The following BABAM2 variants were observed in gnomAD, a reference collection of about 807,000 sequenced individuals.
The protein encoded by BABAM2 is BRISC and BRCA1-A complex member 2.
In BABAM2, 31 loss-of-function variants were observed where a neutral mutation model predicts 54.7. The ratio of observed to expected loss-of-function variants is 0.57; its 90% CI spans 0.43 to 0.77. The LOEUF (loss-of-function observed/expected upper bound fraction) is 0.77, where lower values mean the gene tolerates loss of function less well. Ranked by LOEUF, BABAM2 falls within the 30% of genes least tolerant of loss-of-function variation. The pLI is 0.00. For missense variants in BABAM2, 364 were observed against 455.8 expected (o/e 0.80, Z 1.83); for synonymous variants, 167 against 162.9 (o/e 1.03, Z -0.19).
rs573624621 is a variant in BABAM2 at position 28,227,083 on chromosome 2, T to A, written c.681-10119T>A. ...ACAGATAACATTTAGAATTTGTTAG[T>A]TTAAAGGAGAAATTTCAGCAGTGAA... On this transcript the variant is annotated intron_variant, in intron 7 of 11. Coordinates refer to ENST00000379624, the MANE Select transcript of BABAM2 (RefSeq NM_199191.3). Among the ~76,000 whole-genome samples, 4 of 152,256 alleles carry A rather than the reference T, an allele frequency of 2.6e-5. No individual in the cohort carries two copies. The East Asian group carries it at 7.7e-4, about 29-fold the overall frequency.
chr2:27,963,485 A>G lies in BABAM2; in HGVS notation c.206-24508A>G, dbSNP rs1013055405. On this transcript the variant is annotated intron_variant, in intron 3 of 11. Transcript: ENST00000379624. ...ACTCTTTCTCAAAAAAAAAAAAAAA[A>G]AAAAAAAAGAAAAAGAAAAGAAGGA... 3.0e-3 allele frequency among the ~76,000 whole-genome samples: 452 copies of G among 151,326 alleles called. 4 individuals are homozygous for G. Among genetic ancestry groups the G allele is most frequent in the African/African-American group, 0.011 (434 of 41,314 alleles).
intron 10 of BABAM2, among the ~76,000 whole-genome samples, chr2:28,271,883 T>C (rs983261038): frequency 6.6e-6 from 1 of 152,246 alleles, no homozygotes; most frequent in Non-Finnish European, 1.5e-5. Context: ...TAATGTTTAA[T>C]TATCCCAGAT....
chr2:28,264,798 A>G (rs1301818946), intron 10 of BABAM2, among the ~76,000 whole-genome samples: 2 of 152,198 alleles, frequency 1.3e-5, no homozygotes, highest in East Asian at 3.8e-4. Context: ...AGTAAACACA[A>G]AGACTTTACA....
intron 10 of BABAM2, among the ~76,000 whole-genome samples, chr2:28,291,602 A>T (rs1313357870): frequency 6.6e-6 from 1 of 152,188 alleles, no homozygotes; most frequent in Admixed American, 6.5e-5. Flanking sequence ...CTCCAAAAAA[A>T]AAAAATAAAC....
chr2:27,945,926 A>G (rs1458657808), intron 3 of BABAM2, among the ~76,000 whole-genome samples: 2 of 151,728 alleles, frequency 1.3e-5, no homozygotes, highest in Non-Finnish European at 2.9e-5. Flanking sequence ...ATTTTTTTGT[A>G]GATTCCTTAG....
At chr2:28,273,717 CA>C (rs887856186) in intron 10 of BABAM2, among the ~76,000 whole-genome samples, 3 of 151,138 alleles carry the variant, frequency 2.0e-5, no homozygotes, top group Non-Finnish European at 4.4e-5. Context: ...AGACTGTCTC[CA>C]AAAAAAATAA....
At chr2:28,291,733 A>G (rs758994221) in intron 10 of BABAM2, among the ~76,000 whole-genome samples, 1 of 152,262 alleles carries the variant, frequency 6.6e-6, no homozygotes, top group Non-Finnish European at 1.5e-5. Context: ...AGGTAGTGAT[A>G]ATAAATGGAG....
intron 11 of BABAM2, chr2:28,310,003 A>G: frequency 6.8e-7 from 1 of 1,460,276 alleles, no homozygotes; most frequent in Non-Finnish European, 9.6e-7. Flanking sequence ...AGCAAATCAT[A>G]TAAATAACGT....
rs1670759456 is a variant in BABAM2, at chr2:28,138,744, T to C, written c.680+9364T>C. ...TGACCCTAGCCATGAAACCCAGGCA[T>C]CCTATTTTTGACCTCTTGCTATTGC... On this transcript the variant is annotated intron_variant, in intron 7 of 11. Transcript: ENST00000379624. Among the ~76,000 whole-genome samples the C allele has an allele frequency of 1.3e-5, 2 of 152,162 alleles. 1 individual carries two copies. Among genetic ancestry groups the C allele is most frequent in the South Asian group, 4.1e-4 (2 of 4,830 alleles).
intron 6 of BABAM2, among the ~76,000 whole-genome samples, chr2:28,093,845 C>G (rs1015728013): frequency 1.3e-5 from 2 of 152,124 alleles, no homozygotes; most frequent in Non-Finnish European, 2.9e-5. Flanking sequence ...ATAGTTAAGA[C>G]AAAAGTACAG....
intron 2 of BABAM2, among the ~76,000 whole-genome samples, chr2:27,924,836 AC>A (rs1331983754): frequency 6.6e-6 from 1 of 152,242 alleles, no homozygotes; most frequent in East Asian, 1.9e-4. Context: ...AACTTGAGGT[AC>A]ATGGCACTGG....
intron 11 of BABAM2, among the ~76,000 whole-genome samples, chr2:28,313,312 A>G (rs1689242176): frequency 1.3e-5 from 2 of 152,274 alleles, no homozygotes; most frequent in Admixed American, 1.3e-4. Flanking sequence ...AATGCGCCAA[A>G]GGAAAGACAT....
chr2:28,117,842 C>T (rs1668738929), intron 6 of BABAM2, among the ~76,000 whole-genome samples: 2 of 152,190 alleles, frequency 1.3e-5, no homozygotes, highest in South Asian at 2.1e-4. Flanking sequence ...GGGTATCAGG[C>T]AAGCAATATC....
At chr2:28,223,152 G>C (rs1680568263) in intron 7 of BABAM2, among the ~76,000 whole-genome samples, 1 of 152,210 alleles carries the variant, frequency 6.6e-6, no homozygotes, top group Non-Finnish European at 1.5e-5. Context: ...AAGTAAACAG[G>C]ATATTTAGTA....
chr2:27,917,139 T>G (rs1667035061), intron 2 of BABAM2, among the ~76,000 whole-genome samples: 1 of 149,430 alleles, frequency 6.7e-6, no homozygotes, highest in Non-Finnish European at 1.5e-5. Context: ...TGCCTCAGCC[T>G]CCCAAGTGGC....
intron 10 of BABAM2, among the ~76,000 whole-genome samples, chr2:28,266,327 C>A (rs565529638): frequency 2.2e-4 from 34 of 152,302 alleles, no homozygotes; most frequent in African/African-American, 7.9e-4. Flanking sequence ...ATATTACATA[C>A]CTTATCTGCA....
intron 5 of BABAM2, among the ~76,000 whole-genome samples, chr2:28,043,452 T>C (rs1677294351): frequency 6.6e-6 from 1 of 152,134 alleles, no homozygotes; most frequent in Non-Finnish European, 1.5e-5. Context: ...CTTTTATGAG[T>C]GGTCCTTCTT....
At chr2:28,251,645 G>A (rs1365735964) in intron 10 of BABAM2, among the ~76,000 whole-genome samples, 1 of 152,032 alleles carries the variant, frequency 6.6e-6, no homozygotes, top group African/African-American at 2.4e-5. Context: ...TACATAAATC[G>A]GTAAAACCAA....
intron 3 of BABAM2, among the ~76,000 whole-genome samples, chr2:27,968,008 A>G (rs1363759483): frequency 1.3e-5 from 2 of 152,366 alleles, no homozygotes; most frequent in South Asian, 4.1e-4. Flanking sequence ...ACAATGTGAT[A>G]GAAAAAAATC....
Sources: allele counts gnomAD v4.1 joint callset (sites outside exome capture counted in the v4.1 genomes callset), GRCh38; gene constraint gnomAD v4.1.1; transcripts MANE v1.5; gene names NCBI Gene and HGNC (gene_info 2026-07-23, HGNC 2026-07-21).